The following CPQ variants were observed in gnomAD, a reference collection of about 807,000 sequenced individuals.
CPQ encodes the protein carboxypeptidase Q, also known as Ser-Met dipeptidase.
In CPQ, 37 loss-of-function variants were observed where a neutral mutation model predicts 45.7. The ratio of observed to expected loss-of-function variants is 0.81; its 90% CI spans 0.62 to 1.07. The LOEUF (loss-of-function observed/expected upper bound fraction) is 1.07, where lower values mean the gene tolerates loss of function less well. Among genes scored for constraint, CPQ ranks in the 50% least tolerant of loss-of-function variants. CPQ has a pLI of 0.00. For missense variants in CPQ, 537 were observed against 572.9 expected (o/e 0.94, Z 0.64); for synonymous variants, 186 against 205.8 (o/e 0.90, Z 0.82).
intron 1 of CPQ, among the ~76,000 whole-genome samples, chr8:96,776,010 T>G (rs1468485605): frequency 6.6e-6 from 1 of 152,208 alleles, no homozygotes; most frequent in Non-Finnish European, 1.5e-5. Flanking sequence ...CTACCAATAG[T>G]AGGAACTGGG....
At chr8:96,657,400 C>G (rs1281897978) in intron 1 of CPQ, among the ~76,000 whole-genome samples, 2 of 152,108 alleles carry the variant, frequency 1.3e-5, no homozygotes, top group Non-Finnish European at 2.9e-5. Flanking sequence ...GCAGGAGGGG[C>G]AGTGTAGTCA....
chr8:96,815,481 A>G (rs1488858371), intron 2 of CPQ, among the ~76,000 whole-genome samples: 2 of 151,990 alleles, frequency 1.3e-5, no homozygotes, highest in Admixed American at 6.6e-5. Flanking sequence ...AGACCTGAGG[A>G]AAGCAGATCA....
intron 7 of CPQ, among the ~76,000 whole-genome samples, chr8:97,069,433 T>C (rs2513400): frequency 0.73 from 109,050 of 148,792 alleles, 39,898 homozygotes; most frequent in African/African-American, 0.79. Flanking sequence ...GAGTTTAAGA[T>C]CAGCCTGGGC....
At chr8:96,797,347 C>T (rs1157286677) in intron 2 of CPQ, among the ~76,000 whole-genome samples, 2 of 152,128 alleles carry the variant, frequency 1.3e-5, no homozygotes, top group African/African-American at 4.8e-5. Flanking sequence ...TGCCAACTCT[C>T]CATATCTAAC....
intron 1 of CPQ, among the ~76,000 whole-genome samples, chr8:96,706,394 G>A (rs778504043): frequency 1.3e-5 from 2 of 152,062 alleles, no homozygotes; most frequent in Non-Finnish European, 2.9e-5. Flanking sequence ...GGGAGGAAAA[G>A]CATCAACATG....
At chr8:96,854,954 A>G (rs1020198026) in intron 3 of CPQ, among the ~76,000 whole-genome samples, 1 of 152,226 alleles carries the variant, frequency 6.6e-6, no homozygotes, top group South Asian at 2.1e-4. Context: ...AACCATGGCC[A>G]TAAATGTCAT....
intron 7 of CPQ, among the ~76,000 whole-genome samples, chr8:97,094,665 C>T (rs1282214091): frequency 6.6e-6 from 1 of 152,174 alleles, no homozygotes; most frequent in African/African-American, 2.4e-5. Context: ...GCAACTCAAA[C>T]TGGCAATTAT....
intron 5 of CPQ, among the ~76,000 whole-genome samples, chr8:96,994,668 A>G (rs533872424): frequency 1.3e-5 from 2 of 152,156 alleles, no homozygotes; most frequent in African/African-American, 4.8e-5. Context: ...AGAACCTGGC[A>G]TATAGAAGTA....
chr8:96,862,143 T>C (rs892948345), intron 3 of CPQ, among the ~76,000 whole-genome samples: 8 of 151,982 alleles, frequency 5.3e-5, no homozygotes, highest in East Asian at 1.9e-4. Context: ...AGAGAAACAA[T>C]GTATTTTGAG....
intron 4 of CPQ, among the ~76,000 whole-genome samples, chr8:96,924,042 G>T (rs1812842221): frequency 1.3e-5 from 2 of 152,192 alleles, no homozygotes; most frequent in South Asian, 4.1e-4. Context: ...CTCCCAGTAG[G>T]CTTTGCAAGC....
At chr8:96,945,635 C>T (rs1813179580) in intron 4 of CPQ, among the ~76,000 whole-genome samples, 1 of 152,082 alleles carries the variant, frequency 6.6e-6, no homozygotes, top group Non-Finnish European at 1.5e-5. Context: ...TCCAATTTAG[C>T]ACCTCTTTCA....
At chr8:96,784,512 C>T (rs1810733628) in intron 1 of CPQ, among the ~76,000 whole-genome samples, 2 of 151,928 alleles carry the variant, frequency 1.3e-5, no homozygotes, top group African/African-American at 4.8e-5. Flanking sequence ...GCAAGGACAC[C>T]CATTTGGATT....
At chr8:96,767,289 C>G (rs1810479607) in intron 1 of CPQ, among the ~76,000 whole-genome samples, 1 of 152,108 alleles carries the variant, frequency 6.6e-6, no homozygotes. Context: ...ACCTCATTTC[C>G]CATAACAGCG....
chr8:96,729,146 G>T (rs1033049788), intron 1 of CPQ, among the ~76,000 whole-genome samples: 5 of 152,176 alleles, frequency 3.3e-5, no homozygotes, highest in Non-Finnish European at 7.3e-5. Context: ...AAAAACTCTC[G>T]CAAGAGAAGT....
At chr8:97,074,510 G>A (rs979832058) in intron 7 of CPQ, among the ~76,000 whole-genome samples, 16 of 152,178 alleles carry the variant, frequency 1.1e-4, no homozygotes, top group East Asian at 3.9e-4. Flanking sequence ...GGTGGCCCAC[G>A]CCTGTAATCC....
chr8:96,745,059 C>T (rs760845723), intron 1 of CPQ, among the ~76,000 whole-genome samples: 5 of 152,172 alleles, frequency 3.3e-5, no homozygotes, highest in Non-Finnish European at 5.9e-5. Flanking sequence ...CCTGTAATCC[C>T]AGCACTTTGG....
At chr8:96,785,473 C>T (rs914670745) in intron 2 of CPQ, 143 bp downstream of exon 2, 3 of 682,074 alleles carry the variant, frequency 4.4e-6, no homozygotes, top group African/African-American at 1.8e-5. Flanking sequence ...CCTTTTTTGT[C>T]CTCCCATTTT....
chr8:96,655,409 CT>C (rs1183652908), intron 1 of CPQ, among the ~76,000 whole-genome samples: 2 of 151,860 alleles, frequency 1.3e-5, no homozygotes, highest in East Asian at 1.9e-4. Context: ...TCTTGGGTTT[CT>C]TTTTTATTGT....
At chr8:96,716,984 T>G (rs1257612331) in intron 1 of CPQ, among the ~76,000 whole-genome samples, 3 of 142,790 alleles carry the variant, frequency 2.1e-5, no homozygotes, top group African/African-American at 7.9e-5. Context: ...AATGTCATTA[T>G]TCCGTTCCTT....
Sources: gnomAD v4.1 joint callset for allele counts (sites outside exome capture counted in the v4.1 genomes callset) on GRCh38, gnomAD v4.1.1 for gene constraint, MANE v1.5 for transcripts, NCBI Gene and HGNC (gene_info 2026-07-23, HGNC 2026-07-21) for gene names.